The following FHIT variants were observed in gnomAD, a reference collection of about 807,000 sequenced individuals.
FHIT encodes bis(5'-adenosyl)-triphosphatase.
FHIT carries 19 observed loss-of-function variants against 17.9 expected under a neutral mutation model. The observed-to-expected ratio is 1.06, with a 90% CI of 0.74 to 1.56. FHIT has a LOEUF of 1.56. Ranked by LOEUF, FHIT falls within the 40% of genes most tolerant of loss-of-function variation. The probability of loss-of-function intolerance (pLI) is 0.00; values close to 1 mark genes in which losing one functional copy is unlikely to be tolerated. For synonymous variants in FHIT, 81 were observed against 69.7 expected (o/e 1.16, Z -0.81); for missense variants, 248 against 189.2 (o/e 1.31, Z -1.82).
In FHIT at chr3:60,713,763, A is replaced by C. The variant is rs553895668; in HGVS notation, c.-18+108156T>G. Among the ~76,000 whole-genome samples the C allele has an allele frequency of 8.2e-4, 125 of 152,252 alleles. 3 individuals are homozygous for C. The highest frequency in any genetic ancestry group is 2.9e-3 in the African/African-American group (119 of 41,540). On this transcript the variant is annotated intron_variant, in intron 4 of 9. Transcript: ENST00000492590. ...AGTTGAATCTCTGAATAGACCAATA[A>C]CAGGATCTGAAATTGTGGCAATAAT... is the stretch of plus-strand genomic sequence containing the variant.
chr3:60,324,585 A>AAAAAT (rs1709596066), intron 5 of FHIT, among the ~76,000 whole-genome samples: 1 of 151,916 alleles, frequency 6.6e-6, no homozygotes, highest in African/African-American at 2.4e-5. Flanking sequence ...AAAAAAAAAA[A>AAAAAT]AAGAATTCCA....
rs79161603 is a variant in FHIT, at chr3:61,061,748, C to G, written c.-163-19649G>C. Among the ~76,000 whole-genome samples, 1,160 of 152,120 alleles carry G rather than the reference C, an allele frequency of 7.6e-3. 19 individuals carry two copies. The highest frequency in any genetic ancestry group is 0.027 in the African/African-American group (1,101 of 41,490). ...TCCCTACGTTTCCATTCCAAACTCT[C>G]AAATATAAAATGATAATTACAAGGT... On this transcript the variant is annotated intron_variant, in intron 2 of 9. Transcript: ENST00000492590.
At chr3:60,655,458 A>C (rs1553689321) in intron 4 of FHIT, among the ~76,000 whole-genome samples, 1 of 152,198 alleles carries the variant, frequency 6.6e-6, no homozygotes, top group Non-Finnish European at 1.5e-5. Context: ...ATAGCGAATA[A>C]AGTATAACTG....
chr3:60,431,044 T>A (rs1236792187), intron 5 of FHIT, among the ~76,000 whole-genome samples: 1 of 151,976 alleles, frequency 6.6e-6, no homozygotes, highest in Non-Finnish European at 1.5e-5. Context: ...AAACCCTGTC[T>A]CTACTAAAAA....
At chr3:61,209,103 T>C (rs1025025939) in intron 1 of FHIT, among the ~76,000 whole-genome samples, 4 of 152,082 alleles carry the variant, frequency 2.6e-5, no homozygotes, top group East Asian at 1.9e-4. Context: ...TATGAAATGC[T>C]GGGTTGAAAA....
chr3:60,129,625 A>G (rs1430784201), intron 5 of FHIT, among the ~76,000 whole-genome samples: 1 of 152,104 alleles, frequency 6.6e-6, no homozygotes, highest in East Asian at 1.9e-4. Flanking sequence ...GAGATGCCCT[A>G]AGTCTACTAT....
intron 5 of FHIT, among the ~76,000 whole-genome samples, chr3:60,289,504 C>G (rs1328961439): frequency 6.6e-6 from 1 of 152,088 alleles, no homozygotes; most frequent in Non-Finnish European, 1.5e-5. Flanking sequence ...TTAAACATGA[C>G]AAAAAGCTTC....
At chr3:59,863,821 A>G (rs2253211) in intron 8 of FHIT, among the ~76,000 whole-genome samples, 88,891 of 152,118 alleles carry the variant, frequency 0.58, 27,951 homozygotes, top group African/African-American at 0.83. Context: ...ATTGCAGCTC[A>G]AATTCAGCTC....
chr3:60,679,058 G>T (rs578074703), intron 4 of FHIT, among the ~76,000 whole-genome samples: 4 of 151,796 alleles, frequency 2.6e-5, no homozygotes, highest in African/African-American at 9.7e-5. Flanking sequence ...AATAATAATA[G>T]GTACTTACTT....
intron 1 of FHIT, among the ~76,000 whole-genome samples, chr3:61,229,907 C>T (rs2040056731): frequency 6.6e-6 from 1 of 152,092 alleles, no homozygotes; most frequent in Non-Finnish European, 1.5e-5. Flanking sequence ...CTGGAATAAA[C>T]ATCCACTAGC....
intron 8 of FHIT, among the ~76,000 whole-genome samples, chr3:59,906,933 G>A (rs1704610619): frequency 6.6e-6 from 1 of 152,196 alleles, no homozygotes; most frequent in African/African-American, 2.4e-5. Context: ...TTTCTGCTAT[G>A]CTAATGTGAC....
At chr3:61,101,126 C>T (rs997313554) in intron 2 of FHIT, among the ~76,000 whole-genome samples, 1 of 152,086 alleles carries the variant, frequency 6.6e-6, no homozygotes, top group Non-Finnish European at 1.5e-5. Context: ...AGTCATGAAA[C>T]TCTTTGCCCA....
intron 4 of FHIT, among the ~76,000 whole-genome samples, chr3:60,598,724 C>A (rs1553667617): frequency 6.6e-6 from 1 of 152,130 alleles, no homozygotes; most frequent in East Asian, 1.9e-4. Context: ...TTTTCAGATA[C>A]CGCTTCTGAG....
chr3:60,439,833 T>G (rs2030633809), intron 5 of FHIT, among the ~76,000 whole-genome samples: 1 of 152,108 alleles, frequency 6.6e-6, no homozygotes. Flanking sequence ...GCAAGTGTCT[T>G]TGGGCTTGTT....
chr3:60,966,512 C>T (rs527610550), intron 3 of FHIT, among the ~76,000 whole-genome samples: 239 of 152,336 alleles, frequency 1.6e-3, no homozygotes, highest in Middle Eastern at 3.4e-3. Flanking sequence ...ATCTTCTGCA[C>T]TCCTCACGCT....
intron 3 of FHIT, among the ~76,000 whole-genome samples, chr3:60,897,862 G>A (rs987243979): frequency 9.9e-5 from 15 of 152,116 alleles, no homozygotes; most frequent in Admixed American, 6.5e-5. Flanking sequence ...AGAATTAGTA[G>A]TACAAATCTG....
chr3:60,587,658 G>A lies in FHIT; in HGVS notation c.-17-50679C>T, dbSNP rs186945421. On this transcript the variant is annotated intron_variant, in intron 4 of 9. Coordinates refer to ENST00000492590, the MANE Select transcript of FHIT (RefSeq NM_002012.4). Reference sequence around the variant, plus strand: ...GAGGATGAAGGCCCTTAGAAGCCACGCAGTTCCACTAACAAGCCCATGTAG... The same window carrying A: ...GAGGATGAAGGCCCTTAGAAGCCACACAGTTCCACTAACAAGCCCATGTAG... 3.1e-3 allele frequency among the ~76,000 whole-genome samples: 471 copies of A among 152,102 alleles called. 1 individual carries two copies. The highest frequency in any genetic ancestry group is 5.3e-3 in the Non-Finnish European group (359 of 67,952).
intron 4 of FHIT, among the ~76,000 whole-genome samples, chr3:60,664,255 T>C (rs1393181513): frequency 6.6e-6 from 1 of 152,158 alleles, no homozygotes; most frequent in Admixed American, 6.5e-5. Flanking sequence ...TTCTGTAGCT[T>C]ATTTCTATGG....
chr3:60,554,472 A>G (rs2036676814), intron 4 of FHIT, among the ~76,000 whole-genome samples: 1 of 152,162 alleles, frequency 6.6e-6, no homozygotes, highest in African/African-American at 2.4e-5. Context: ...ATTCATCTCC[A>G]TGGACTGTAT....
Sources: allele counts gnomAD v4.1 joint callset (sites outside exome capture counted in the v4.1 genomes callset), GRCh38; gene constraint gnomAD v4.1.1; transcripts MANE v1.5; gene names NCBI Gene and HGNC (gene_info 2026-07-23, HGNC 2026-07-21).